Variants in NSUN6 observed in about 807,000 individuals in gnomAD.
NSUN6 encodes the protein tRNA (cytosine(72)-C(5))-methyltransferase NSUN6.
NSUN6 carries 64 observed loss-of-function variants against 58.0 expected under a neutral mutation model. The observed-to-expected ratio is 1.10, with a 90% confidence interval of 0.90 to 1.36. NSUN6 has a LOEUF of 1.36. Ranked by LOEUF, NSUN6 falls within the 40% of genes most tolerant of loss-of-function variation. The pLI is 0.00. For synonymous variants in NSUN6, 231 were observed against 193.9 expected (o/e 1.19, Z -1.59); for missense variants, 701 against 550.1 (o/e 1.27, Z -2.74).
chr10:18,629,893 A>G (rs1482017537), intron 3 of NSUN6, among the ~76,000 whole-genome samples: 2 of 149,262 alleles, frequency 1.3e-5, no homozygotes. Flanking sequence ...TCAGCTCTGC[A>G]CCAAGCGGAC....
rs531813036 is a variant in NSUN6, at chr10:18,590,953, C to A, written c.778-4860G>T. On this transcript the variant is annotated intron_variant, in intron 7 of 10. Coordinates refer to ENST00000377304, the MANE Select transcript of NSUN6 (RefSeq NM_182543.5). ...ACCCTTCAAAGAATGAATTGAGGAG[C>A]TGGTTTTTTGAAAAGATTAACAAAA... is the stretch of plus-strand genomic sequence containing the variant. Among the ~76,000 whole-genome samples the A allele has an allele frequency of 4.6e-5, 7 of 152,224 alleles. No homozygotes were observed. In the East Asian group the frequency reaches 7.7e-4, roughly 17 times the overall value.
intron 3 of NSUN6, among the ~76,000 whole-genome samples, chr10:18,633,753 A>G (rs1348041778): frequency 3.3e-5 from 5 of 152,222 alleles, no homozygotes; most frequent in Admixed American, 6.5e-5. Context: ...TGTTTTCTCT[A>G]ACAAACCTGG....
At chr10:18,594,511 C>T (rs886457163) in intron 7 of NSUN6, among the ~76,000 whole-genome samples, 20 of 151,684 alleles carry the variant, frequency 1.3e-4, no homozygotes, top group Non-Finnish European at 2.2e-4. Flanking sequence ...TGCAGTGGCG[C>T]GATCTTGGCT....
rs571307120 is a variant in NSUN6, at chr10:18,651,145, C to T, written c.59G>A (p.Gly20Asp). ...RPEVENYLKE[G>D]FMNKEIVTAL... ...TTGACCTACCTCCTTATTCATAAAG[C>T]CTTCCTTAAGATAGTTTTCAACCTC... The change falls in exon 1 of 11, where the codon GGC (glycine) becomes GAC (aspartate). Residue 20 changes from glycine (G) to aspartate (D), a missense_variant. Gly to Asp is a moderately conservative substitution (Grantham distance 94, BLOSUM62 -1). Coordinates refer to ENST00000377304, the MANE Select transcript of NSUN6 (RefSeq NM_182543.5). 7.0e-6 allele frequency: 11 copies of T among 1,576,174 alleles called. No homozygotes were observed. The South Asian group carries it at 9.5e-5, about 14-fold the overall frequency.
At chr10:18,652,346 T>A (rs1024159280), upstream of NSUN6, 3 of 983,280 alleles carry the variant, frequency 3.1e-6, no homozygotes, top group Admixed American at 1.8e-4. Flanking sequence ...CACCTTGACA[T>A]ATGTTTTTTG....
upstream of NSUN6, among the ~76,000 whole-genome samples, chr10:18,657,490 TAC>T (rs1270162623): frequency 1.3e-5 from 2 of 152,194 alleles, no homozygotes; most frequent in Non-Finnish European, 2.9e-5. Context: ...TTCAAATAAA[TAC>T]ATTCATTCCA....
intron 3 of NSUN6, among the ~76,000 whole-genome samples, chr10:18,617,510 A>G (rs563719326): frequency 6.6e-6 from 1 of 152,198 alleles, no homozygotes; most frequent in South Asian, 2.1e-4. Context: ...TAGTATTTCT[A>G]ATTACCTACG....
At chr10:18,564,390 T>C (rs2055769020) in intron 8 of NSUN6, among the ~76,000 whole-genome samples, 1 of 151,244 alleles carries the variant, frequency 6.6e-6, no homozygotes, top group South Asian at 2.1e-4. Context: ...CATTCTCCCG[T>C]CCATTTTTCA....
At chr10:18,641,168 A>C (rs2059380554) in intron 3 of NSUN6, among the ~76,000 whole-genome samples, 1 of 152,156 alleles carries the variant, frequency 6.6e-6, no homozygotes, top group Admixed American at 6.5e-5. Context: ...TGCATGGACA[A>C]ATCATAGTTT....
upstream of NSUN6, chr10:18,651,735 C>A (rs1474600090): frequency 2.0e-6 from 2 of 985,500 alleles, no homozygotes; most frequent in African/African-American, 3.5e-5. Flanking sequence ...ACGCCACGCC[C>A]CCGGAGGTTC....
chr10:18,625,649 G>C (rs1156420915), intron 3 of NSUN6, among the ~76,000 whole-genome samples: 3 of 138,884 alleles, frequency 2.2e-5, no homozygotes, highest in Non-Finnish European at 4.5e-5. Context: ...GGACGCAAAA[G>C]CTGCAGTGAG....
At chr10:18,549,719 A>C (rs1038705882) in intron 9 of NSUN6, among the ~76,000 whole-genome samples, 1 of 152,186 alleles carries the variant, frequency 6.6e-6, no homozygotes, top group Non-Finnish European at 1.5e-5. Flanking sequence ...TGAAATACCT[A>C]AAGTTCAGCT....
intron 8 of NSUN6, among the ~76,000 whole-genome samples, chr10:18,582,151 C>T (rs1001491942): frequency 6.6e-6 from 1 of 152,180 alleles, no homozygotes; most frequent in Non-Finnish European, 1.5e-5. Flanking sequence ...CTCCTGAGAT[C>T]TTATCAGAAT....
In NSUN6 at chr10:18,640,684, C is replaced by T. The variant is rs560517992; in HGVS notation, c.311+1792G>A. On this transcript the variant is annotated intron_variant, in intron 3 of 10. Coordinates refer to ENST00000377304, the MANE Select transcript of NSUN6 (RefSeq NM_182543.5). ...TTGACTGGGGTGGGTCTTGGCTGCA[C>T]AGTTGTACATATTTGTCAAAACCCA... Among the ~76,000 whole-genome samples, 9 of 152,192 alleles carry T rather than the reference C, an allele frequency of 5.9e-5. No individual in the cohort carries two copies. In the South Asian group the frequency reaches 1.9e-3, roughly 32 times the overall value.
intron 8 of NSUN6, among the ~76,000 whole-genome samples, chr10:18,570,232 A>G (rs990902790): frequency 6.8e-6 from 1 of 146,310 alleles, no homozygotes; most frequent in African/African-American, 2.5e-5. Context: ...ATTGCATTCT[A>G]TTCTCCATTC....
intron 6 of NSUN6, among the ~76,000 whole-genome samples, chr10:18,607,663 C>G (rs1437962080): frequency 6.6e-6 from 1 of 152,224 alleles, no homozygotes; most frequent in Non-Finnish European, 1.5e-5. Flanking sequence ...GACCCAAGAA[C>G]TGCATTTTCA....
chr10:18,621,825 CAT>C (rs1210208666), intron 3 of NSUN6, among the ~76,000 whole-genome samples: 1 of 152,152 alleles, frequency 6.6e-6, no homozygotes, highest in Non-Finnish European at 1.5e-5. Context: ...TTTAACTGCA[CAT>C]ATTCACAACC....
chr10:18,621,364 G>A (rs539987615), intron 3 of NSUN6, among the ~76,000 whole-genome samples: 20 of 152,296 alleles, frequency 1.3e-4, no homozygotes, highest in African/African-American at 4.1e-4. Context: ...AATCATAGCC[G>A]TAAGTACAAG....
chr10:18,652,134 A>G (rs931657813), upstream of NSUN6: 1 of 985,248 alleles, frequency 1.0e-6, no homozygotes, highest in African/African-American at 1.7e-5. Flanking sequence ...ACCCACAGAC[A>G]GTGTTTACAG....
Sources: gnomAD v4.1 joint callset for allele counts (sites outside exome capture counted in the v4.1 genomes callset) on GRCh38, gnomAD v4.1.1 for gene constraint, MANE v1.5 for transcripts, NCBI Gene and HGNC (gene_info 2026-07-23, HGNC 2026-07-21) for gene names.